The following DNAH3 variants were observed in gnomAD, a reference collection of about 807,000 sequenced individuals.
DNAH3 encodes dynein axonemal heavy chain 3.
DNAH3 carries 332 observed loss-of-function variants against 432.5 expected under a neutral mutation model. That is an observed-to-expected ratio of 0.77 (90% CI 0.70 to 0.84). DNAH3 has a LOEUF of 0.84. Among genes scored for constraint, DNAH3 ranks in the 40% least tolerant of loss-of-function variants. The pLI, the probability that DNAH3 is intolerant of heterozygous loss-of-function variation, is 0.00. For missense variants in DNAH3, 4,861 were observed against 5,114.0 expected (o/e 0.95, Z 1.51); for synonymous variants, 1,956 against 1,900.2 (o/e 1.03, Z -0.76).
At chr16:21,050,011 T>A (rs2089886284) in exon 30 of DNAH3, 1 of 1,613,552 alleles carries the variant, frequency 6.2e-7, no homozygotes, top group African/African-American at 1.3e-5. Context: ...AAAGCTCCCA[T>A]CAGTGTCCTA....
intron 20 of DNAH3, among the ~76,000 whole-genome samples, chr16:21,081,428 T>C (rs2091182042): frequency 6.6e-6 from 1 of 151,534 alleles, no homozygotes; most frequent in South Asian, 2.1e-4. Flanking sequence ...CTCAATTTTC[T>C]AGTCACAACC....
At chr16:21,046,504 C>CT (rs1425891236) in intron 31 of DNAH3, among the ~76,000 whole-genome samples, 2 of 151,670 alleles carry the variant, frequency 1.3e-5, no homozygotes, top group Non-Finnish European at 1.5e-5. Context: ...CAACCCCTGC[C>CT]TTTTTTTGTT....
intron 3 of DNAH3, among the ~76,000 whole-genome samples, chr16:21,142,750 C>T (rs2092736892): frequency 6.6e-6 from 1 of 151,558 alleles, no homozygotes; most frequent in South Asian, 2.1e-4. Context: ...ACCACCCAGG[C>T]TCAGGTGATC....
At chr16:21,054,562 G>T in intron 27 of DNAH3, 28 bp from the exon 28 acceptor site, 1 of 1,534,618 alleles carries the variant, frequency 6.5e-7, no homozygotes, top group South Asian at 1.1e-5. Context: ...GGGGACAACT[G>T]GTTACATTTG....
intron 59 of DNAH3, among the ~76,000 whole-genome samples, chr16:20,937,924 T>C (rs1043871457): frequency 6.6e-6 from 1 of 152,134 alleles, no homozygotes; most frequent in African/African-American, 2.4e-5. Context: ...CTCTGACCTT[T>C]ATGTTACGAG....
rs1597056057 is a variant in DNAH3, at chr16:20,985,335, C to T, written c.7407G>A (p.Trp2469Ter). Reference sequence around the variant, plus strand: ...GTATGATCTTCTTAAGATCTTCTCGCCAGTCATTGCCTGCGTAGTTCTTGG... The same window carrying T: ...GTATGATCTTCTTAAGATCTTCTCGTCAGTCATTGCCTGCGTAGTTCTTGG... Residue 2469 changes from tryptophan to a stop codon, truncating the protein, a stop_gained, in exon 48 of 62, where the codon TGG becomes TGA. Transcript: ENST00000261383. LOFTEE classifies it high-confidence loss of function. 1 of 1,614,192 alleles carries T rather than the reference C, an allele frequency of 6.2e-7. No individual in the cohort carries two copies. The highest frequency in any genetic ancestry group is 8.5e-7 in the Non-Finnish European group (1 of 1,180,032).
In DNAH3 at chr16:21,125,389, G is replaced by A. The variant is rs753879195; in HGVS notation, c.1209-19C>T. 6 of 1,555,382 alleles carry A rather than the reference G, an allele frequency of 3.9e-6. No individual in the cohort carries two copies. The highest frequency in any genetic ancestry group is 1.4e-5 in the African/African-American group (1 of 73,108). On this transcript the variant is annotated intron_variant, in intron 8 of 61. Transcript: ENST00000261383. Reference sequence around the variant, plus strand: ...GATCCACCTGTAAAGACAGAAGGGTGTCCATGTGAGAAGCTCTTCTGGGCT... The same window carrying A: ...GATCCACCTGTAAAGACAGAAGGGTATCCATGTGAGAAGCTCTTCTGGGCT...
chr16:20,956,966 G>A (rs186074951), intron 54 of DNAH3, among the ~76,000 whole-genome samples: 7 of 152,162 alleles, frequency 4.6e-5, no homozygotes, highest in South Asian at 4.1e-4. Context: ...CATGTGATCC[G>A]CCTGCCTTGA....
chr16:20,964,275 A>G, exon 53 of DNAH3: 2 of 1,614,162 alleles, frequency 1.2e-6, no homozygotes, highest in Non-Finnish European at 1.7e-6. Context: ...CAAGGAGTTG[A>G]TCTTGGAGAC....
chr16:21,125,190 A>G (rs2092422179), exon 9 of DNAH3: 2 of 1,605,242 alleles, frequency 1.2e-6, no homozygotes, highest in African/African-American at 2.7e-5. Flanking sequence ...GTATCATGAA[A>G]AGGGAAACGA....
chr16:21,142,642 A>C (rs1238988654), intron 3 of DNAH3, among the ~76,000 whole-genome samples: 1 of 150,910 alleles, frequency 6.6e-6, no homozygotes, highest in Non-Finnish European at 1.5e-5. Context: ...ATATAACAAC[A>C]ATACAAAAAT....
exon 54 of DNAH3, chr16:20,959,365 G>C: frequency 1.2e-6 from 2 of 1,614,128 alleles, no homozygotes; most frequent in Non-Finnish European, 1.7e-6. Context: ...CTGTGTTCTG[G>C]TACCTCCCAT....
At chr16:20,971,436 C>G (rs1199907622) in intron 51 of DNAH3, among the ~76,000 whole-genome samples, 2 of 152,064 alleles carry the variant, frequency 1.3e-5, no homozygotes, top group Non-Finnish European at 2.9e-5. Context: ...GGGCCACAGC[C>G]CTGAAAGGTC....
chr16:21,109,144 A>G (rs183335828), intron 14 of DNAH3, among the ~76,000 whole-genome samples: 2 of 151,948 alleles, frequency 1.3e-5, no homozygotes, highest in Admixed American at 6.6e-5. Context: ...AAAAAGAAAG[A>G]AAGAAAAGAA....
chr16:21,002,976 T>C, intron 42 of DNAH3, 128 bp downstream of exon 42: 1 of 691,942 alleles, frequency 1.4e-6, no homozygotes. Flanking sequence ...CCACTGCAGC[T>C]CATGTTTAAA....
At chr16:21,029,177 G>A (rs560639491) in intron 37 of DNAH3, among the ~76,000 whole-genome samples, 10 of 152,230 alleles carry the variant, frequency 6.6e-5, no homozygotes, top group Non-Finnish European at 1.5e-4. Context: ...ATATAATATA[G>A]TCCATATCAT....
At chr16:21,076,979 C>G (rs1218332647) in intron 20 of DNAH3, among the ~76,000 whole-genome samples, 1 of 152,150 alleles carries the variant, frequency 6.6e-6, no homozygotes, top group Non-Finnish European at 1.5e-5. Context: ...ACACCAGCAG[C>G]AGACTCCCCA....
Position 20,959,254 on chromosome 16 carries a change from G to T in DNAH3, c.10751C>A (p.Ala3584Asp), listed in dbSNP as rs34121503. The change falls in exon 54 of 62, where the codon GCC becomes GAC. Residue 3584 changes from alanine (A) to aspartate (D), a missense_variant. Coordinates refer to ENST00000261383, the Ensembl canonical transcript of DNAH3. Reference sequence around the variant, plus strand: ...CTCCAGGGTAGGCATCCAGCTTGCGGCCAGGTGGCAGTTCTGTAAGACCAC... The same window carrying T: ...CTCCAGGGTAGGCATCCAGCTTGCGTCCAGGTGGCAGTTCTGTAAGACCAC... 6,899 of 1,614,160 alleles carry T rather than the reference G, an allele frequency of 4.3e-3. 22 individuals carry two copies. The highest frequency in any genetic ancestry group is 5.3e-3 in the Non-Finnish European group (6,305 of 1,180,026).
intron 1 of DNAH3, among the ~76,000 whole-genome samples, chr16:21,152,385 T>C (rs182587543): frequency 6.6e-6 from 1 of 152,094 alleles, no homozygotes; most frequent in African/African-American, 2.4e-5. Context: ...ACACAAACAT[T>C]CCCGAGTTCC....
Sources: gnomAD v4.1 joint callset for allele counts (sites outside exome capture counted in the v4.1 genomes callset) on GRCh38, gnomAD v4.1.1 for gene constraint, MANE v1.5 for transcripts, NCBI Gene and HGNC (gene_info 2026-07-23, HGNC 2026-07-21) for gene names.